The following PARD3B variants were observed in gnomAD, a reference collection of about 807,000 sequenced individuals.
PARD3B encodes partitioning defective 3 homolog B.
In PARD3B, 103 loss-of-function variants were observed where a neutral mutation model predicts 130.2. The ratio of observed to expected loss-of-function variants is 0.79; its 90% CI spans 0.67 to 0.93. The LOEUF (loss-of-function observed/expected upper bound fraction) is 0.93. PARD3B is among the 40% of genes least tolerant of loss of function. PARD3B has a pLI of 0.00. For missense variants in PARD3B, 1,609 were observed against 1,499.2 expected (o/e 1.07, Z -1.21); for synonymous variants, 583 against 553.2 (o/e 1.05, Z -0.76).
chr2:205,152,261 A>T (rs141189800), intron 10 of PARD3B, among the ~76,000 whole-genome samples: 1 of 152,058 alleles, frequency 6.6e-6, no homozygotes, highest in African/African-American at 2.4e-5. Context: ...CTCAAGGAGT[A>T]TCTTTGTGGC....
At chr2:205,479,389 T>C (rs745902690) in intron 20 of PARD3B, among the ~76,000 whole-genome samples, 51 of 152,294 alleles carry the variant, frequency 3.3e-4, no homozygotes, top group Non-Finnish European at 6.0e-4. Context: ...ATTAAATTCC[T>C]CCTATCACTT....
Position 205,274,597 on chromosome 2 carries a change from AT to A in PARD3B, c.2186-25926del, listed in dbSNP as rs1414542203. Among the ~76,000 whole-genome samples, 3 of 151,998 alleles carry A rather than the reference AT, an allele frequency of 2.0e-5. No individual in the cohort carries two copies. Among genetic ancestry groups the A allele is most frequent in the Non-Finnish European group, 2.9e-5 (2 of 67,938 alleles). On this transcript the variant is annotated intron_variant, in intron 16 of 22. Coordinates refer to ENST00000406610, the MANE Select transcript of PARD3B (RefSeq NM_001302769.2). This position sits in a 1 kb window ranked among gnomAD's most constrained non-coding sequence, Gnocchi z 4.2. ...ATTTACATGGTATACTTTTACATTG[AT>A]TTTTTTATAAATCATTTCTACTTAC...
intron 2 of PARD3B, among the ~76,000 whole-genome samples, chr2:204,848,979 G>T (rs955179456): frequency 1.3e-5 from 2 of 151,972 alleles, no homozygotes; most frequent in Non-Finnish European, 2.9e-5. Context: ...TAAAGCTCTT[G>T]TTAAGATTCT....
intron 15 of PARD3B, among the ~76,000 whole-genome samples, chr2:205,195,001 G>T (rs1004175685): frequency 2.4e-4 from 29 of 123,386 alleles, no homozygotes; most frequent in African/African-American, 8.8e-4. Flanking sequence ...GTTTCTCCAT[G>T]TTGGCCGGGG....
intron 3 of PARD3B, among the ~76,000 whole-genome samples, chr2:205,020,768 G>A (rs996059406): frequency 6.6e-6 from 1 of 152,162 alleles, no homozygotes; most frequent in Admixed American, 6.6e-5. Flanking sequence ...TCACATTGGG[G>A]ATCCTGTTGA....
chr2:205,210,504 A>G (rs969049832), intron 15 of PARD3B, among the ~76,000 whole-genome samples: 5 of 152,110 alleles, frequency 3.3e-5, no homozygotes, highest in South Asian at 4.1e-4. Flanking sequence ...GTTGTTTCCA[A>G]TTCTTCACTT....
At chr2:204,631,217 C>G (rs2034667150) in intron 1 of PARD3B, among the ~76,000 whole-genome samples, 1 of 150,878 alleles carries the variant, frequency 6.6e-6, no homozygotes, top group Non-Finnish European at 1.5e-5. Context: ...ACCCCAAAGT[C>G]ATTGTACCGA....
chr2:204,977,255 C>T (rs1421179697), intron 3 of PARD3B, among the ~76,000 whole-genome samples: 1 of 152,142 alleles, frequency 6.6e-6, no homozygotes, highest in Non-Finnish European at 1.5e-5. Flanking sequence ...TTTATGTCCT[C>T]ACCCTTAACT....
chr2:204,644,490 T>C (rs2035204741), intron 1 of PARD3B, among the ~76,000 whole-genome samples: 1 of 152,194 alleles, frequency 6.6e-6, no homozygotes, highest in Admixed American at 6.5e-5. Flanking sequence ...TATTACTATG[T>C]TAGTTGAAAG....
At chr2:204,690,097 G>T (rs2037285128) in intron 2 of PARD3B, among the ~76,000 whole-genome samples, 1 of 152,072 alleles carries the variant, frequency 6.6e-6, no homozygotes, top group Non-Finnish European at 1.5e-5. Context: ...GTAAAGGCTT[G>T]TCAGCTCTAC....
Position 205,365,200 on chromosome 2 carries a change from C to CAA in PARD3B, c.2631-35797_2631-35796dup, listed in dbSNP as rs34761577. ...GGGAGACAAGAGTAAAACTCCGTGT[C>CAA]AAAAAAAAAAAAAAAAATTAGCTGG... is the stretch of plus-strand genomic sequence containing the variant. On this transcript the variant is annotated intron_variant, in intron 18 of 22. Transcript: ENST00000406610. Among the ~76,000 whole-genome samples the CAA allele has an allele frequency of 3.3e-3, 426 of 127,794 alleles. 3 individuals carry two copies. Among genetic ancestry groups the CAA allele is most frequent in the African/African-American group, 7.4e-3 (241 of 32,738 alleles). 83.8% of individuals were successfully genotyped at this position (127,794 alleles called of 152,430 possible).
At position 205,572,520 on chromosome 2, in the gene PARD3B, G is replaced by A. The variant is rs374683873; in HGVS notation, c.3260+19117G>A. 1.1e-4 allele frequency among the ~76,000 whole-genome samples: 17 copies of A among 152,290 alleles called. No individual in the cohort carries two copies. Among genetic ancestry groups the A allele is most frequent in the East Asian group, 3.9e-4 (2 of 5,178 alleles). On this transcript the variant is annotated intron_variant, in intron 22 of 22. Coordinates refer to ENST00000406610, the MANE Select transcript of PARD3B (RefSeq NM_001302769.2). The surrounding 1 kb of genome is among the most constrained non-coding windows in gnomAD (Gnocchi z 4.2). ...AGCACTTTGGGAGGCCAAGGCAGGC[G>A]GATTGCCTGAGCTCAGGAGTTTGAG...
At chr2:204,895,440 C>A (rs949535991) in intron 2 of PARD3B, among the ~76,000 whole-genome samples, 4 of 151,890 alleles carry the variant, frequency 2.6e-5, no homozygotes, top group Non-Finnish European at 1.5e-5. Context: ...TATAACCCAG[C>A]CAAAGCTAGT....
In PARD3B at chr2:205,564,707, C is replaced by G. The variant is rs1427276785; in HGVS notation, c.3260+11304C>G. Reference sequence around the variant, plus strand: ...CTATGGTGGTGCCACCCGAGCCCATCTGTGCCCTGGATCTCATGTGACACA... The same window carrying G: ...CTATGGTGGTGCCACCCGAGCCCATGTGTGCCCTGGATCTCATGTGACACA... On this transcript the variant is annotated intron_variant, in intron 22 of 22. Coordinates refer to ENST00000406610, the MANE Select transcript of PARD3B (RefSeq NM_001302769.2). The surrounding 1 kb of genome is among the most constrained non-coding windows in gnomAD (Gnocchi z 4.6). 2.6e-5 allele frequency among the ~76,000 whole-genome samples: 4 copies of G among 152,220 alleles called. No individual in the cohort carries two copies. In the South Asian group the frequency reaches 6.2e-4, roughly 24 times the overall value.
At position 205,458,762 on chromosome 2, in the gene PARD3B, T is replaced by C. The variant is rs545171186; in HGVS notation, c.3044+18090T>C. Among the ~76,000 whole-genome samples the C allele has an allele frequency of 6.6e-6, 1 of 152,320 alleles. No individual in the cohort carries two copies. The highest frequency in any genetic ancestry group is 2.1e-4 in the South Asian group (1 of 4,834). On this transcript the variant is annotated intron_variant, in intron 20 of 22. Coordinates refer to ENST00000406610, the MANE Select transcript of PARD3B (RefSeq NM_001302769.2). This position sits in a 1 kb window ranked among gnomAD's most constrained non-coding sequence, Gnocchi z 4.8. ...ATTTGGTCTTATCTCCTGGTATGCA[T>C]ATTTTTGATCAAATGCTAGACACAG...
At chr2:204,899,256 CCCTTCCTTCCTT>C (rs147570066) in intron 2 of PARD3B, among the ~76,000 whole-genome samples, 6 of 128,282 alleles carry the variant, frequency 4.7e-5, no homozygotes, top group African/African-American at 1.9e-4. Context: ...CTCCCTCCCT[CCCTTCCTTCCTT>C]CCTTCCTTCC....
At chr2:205,239,585 A>G (rs973065952) in intron 15 of PARD3B, among the ~76,000 whole-genome samples, 7 of 152,206 alleles carry the variant, frequency 4.6e-5, no homozygotes, top group African/African-American at 1.7e-4. Context: ...GTGTAAGAAC[A>G]TATGAAAAGT....
chr2:205,171,553 A>C, intron 11 of PARD3B, among the ~76,000 whole-genome samples: 1 of 152,250 alleles, frequency 6.6e-6, no homozygotes, highest in Admixed American at 6.5e-5. Flanking sequence ...GTACTCATTC[A>C]TCAGAGCCTC....
intron 1 of PARD3B, among the ~76,000 whole-genome samples, chr2:204,676,665 T>G: frequency 8.6e-6 from 1 of 115,960 alleles, no homozygotes; most frequent in Admixed American, 1.1e-4. Context: ...ACTCTATGAT[T>G]GTTTTTTTTT....
Sources: allele counts gnomAD v4.1 joint callset (sites outside exome capture counted in the v4.1 genomes callset), GRCh38; gene constraint gnomAD v4.1.1; non-coding constraint Gnocchi (gnomAD v3.1); transcripts MANE v1.5; gene names NCBI Gene and HGNC (gene_info 2026-07-23, HGNC 2026-07-21).